LSM14A: variants seen among roughly 807,000 people sequenced by gnomAD.
The protein encoded by LSM14A is LSM14A mRNA processing body assembly factor, also known as protein LSM14 homolog A.
Under a neutral mutation model 52.4 loss-of-function variants are expected in LSM14A, and 14 were observed. That is an observed-to-expected ratio of 0.27 (90% CI 0.18 to 0.42). LSM14A has a LOEUF of 0.42. LSM14A is among the 10% of genes least tolerant of loss of function. LSM14A has a pLI of 1.00. For synonymous variants in LSM14A, 185 were observed against 200.3 expected (o/e 0.92, Z 0.64); for missense variants, 417 against 581.8 (o/e 0.72, Z 2.91).
Position 34,196,719 on chromosome 19 carries a change from G to A in LSM14A, c.371G>A (p.Ser124Asn). The change falls in exon 3 of 10, where the codon AGT becomes AAT. Residue 124 changes from serine to asparagine, a missense_variant. Transcript: ENST00000544216. ...AGGATGCCCACATACAGTCAGTTCAGTCCGAGTTCCTTAGTTGGGCAGCAG... is the reference window on the plus strand; with the variant it reads ...AGGATGCCCACATACAGTCAGTTCAATCCGAGTTCCTTAGTTGGGCAGCAG... ...FGRMPTYSQF[S>N]PSSLVGQQFG... is the part of the protein sequence containing the mutation. 6.2e-7 allele frequency: 1 copy of A among 1,613,182 alleles called. No homozygotes were observed. The highest frequency in any genetic ancestry group is 1.1e-5 in the South Asian group (1 of 90,836).
At position 34,229,048 on chromosome 19, in the gene LSM14A, A is replaced by G. The variant is rs1031878763; in HGVS notation, c.*1660A>G. The stretch of plus-strand genomic sequence containing the variant: ...CATTCAGAGCATCAGAGCAAGTACC[A>G]TGGCAATACATGTGTAGACTGTTGG... On this transcript the variant is annotated 3_prime_UTR_variant, in exon 10 of 10. Transcript: ENST00000544216. 6.6e-6 allele frequency: 1 copy of G among 152,238 alleles called. No individual in the cohort carries two copies. Among genetic ancestry groups the G allele is most frequent in the East Asian group, 1.9e-4 (1 of 5,204 alleles). 9.4% of individuals were successfully genotyped at this position (152,238 alleles called of 1,614,324 possible).
chr19:34,186,069 G>A (rs2145565052), intron 1 of LSM14A, among the ~76,000 whole-genome samples: 2 of 152,328 alleles, frequency 1.3e-5, no homozygotes, highest in East Asian at 3.9e-4. Context: ...TTTCTGCTGT[G>A]TGATTTATTC....
Position 34,221,622 on chromosome 19 carries a change from C to CGTGGTGGCAGAGGGCGTG in LSM14A, c.1266_1283dup (p.Arg423_Gly428dup). 1.2e-6 allele frequency: 2 copies of CGTGGTGGCAGAGGGCGTG among 1,614,010 alleles called. No individual in the cohort carries two copies. Among genetic ancestry groups the CGTGGTGGCAGAGGGCGTG allele is most frequent in the Non-Finnish European group, 1.7e-6 (2 of 1,180,012 alleles). Reference sequence around the variant, plus strand: ...CAGAGGCAGAGGAGGTCTTGGTTTCCGTGGTGGCAGAGGGCGTGGTGGTGG... The same window carrying CGTGGTGGCAGAGGGCGTG: ...CAGAGGCAGAGGAGGTCTTGGTTTCCGTGGTGGCAGAGGGCGTGGTGGTGGCAGAGGGCGTGGTGGTGG... On this transcript the variant is annotated inframe_insertion, in exon 9 of 10. Coordinates refer to ENST00000544216, the MANE Select transcript of LSM14A (RefSeq NM_015578.4).
At chr19:34,188,403 C>G (rs2070092731) in intron 1 of LSM14A, among the ~76,000 whole-genome samples, 1 of 152,196 alleles carries the variant, frequency 6.6e-6, no homozygotes, top group Admixed American at 6.5e-5. Context: ...TTGTCATTCT[C>G]TGTATTCTCT....
At chr19:34,203,152 T>A (rs930479214) in intron 3 of LSM14A, among the ~76,000 whole-genome samples, 39 of 147,960 alleles carry the variant, frequency 2.6e-4, no homozygotes, top group African/African-American at 9.5e-4. Flanking sequence ...ATAGAAACAG[T>A]GAAAGGTATA....
At chr19:34,173,437 C>T (rs563921058) in intron 1 of LSM14A, among the ~76,000 whole-genome samples, 12 of 152,142 alleles carry the variant, frequency 7.9e-5, no homozygotes, top group Non-Finnish European at 1.6e-4. Flanking sequence ...TTTCTGGAAA[C>T]GGGTTCAAGC....
At chr19:34,179,133 G>T (rs1350675417) in intron 1 of LSM14A, among the ~76,000 whole-genome samples, 1 of 152,220 alleles carries the variant, frequency 6.6e-6, no homozygotes, top group Non-Finnish European at 1.5e-5. Flanking sequence ...ACTGGGAAAA[G>T]AGACTTTATG....
intron 3 of LSM14A, among the ~76,000 whole-genome samples, chr19:34,202,172 G>A (rs1290882784): frequency 2.0e-5 from 2 of 98,256 alleles, no homozygotes; most frequent in South Asian, 6.7e-4. Context: ...TTTGGTTTTT[G>A]TTTTGTTTTG....
chr19:34,200,880 A>G (rs1344060863), intron 3 of LSM14A, among the ~76,000 whole-genome samples: 1 of 152,150 alleles, frequency 6.6e-6, no homozygotes, highest in Non-Finnish European at 1.5e-5. Context: ...GGCTCCTTTG[A>G]CTAAATTAAA....
At chr19:34,192,310 C>CTTTTTTTTTTTTTTTTTTTTTTTTTTTT (rs1568479681) in intron 1 of LSM14A, among the ~76,000 whole-genome samples, 3 of 51,656 alleles carry the variant, frequency 5.8e-5, no homozygotes, top group Admixed American at 2.2e-4. Context: ...AAATAACATT[C>CTTTTTTTTTTTTTTTTTTTTTTTTTTTT]TTTTTGTTGT....
At position 34,228,922 on chromosome 19, in the gene LSM14A, G is replaced by A. The variant is rs1290173708; in HGVS notation, c.*1534G>A. 3 of 152,552 alleles carry A rather than the reference G, an allele frequency of 2.0e-5. No homozygotes were observed. Among genetic ancestry groups the A allele is most frequent in the Admixed American group, 2.0e-4 (3 of 15,268 alleles). The allele number at this position is 152,552 out of a possible 1,614,324, so 9.4% of individuals were successfully genotyped here. A position where few individuals can be genotyped will look rare whatever the true frequency, so the allele number is the denominator to read the frequency against. ...CATTATGAAGATCCAGTACTTGGCA[G>A]CCATAGTTTAGACAATATTGTTCAG... On this transcript the variant is annotated 3_prime_UTR_variant, in exon 10 of 10. Transcript: ENST00000544216.
chr19:34,209,528 G>A (rs1339064054), intron 4 of LSM14A, among the ~76,000 whole-genome samples: 1 of 152,062 alleles, frequency 6.6e-6, no homozygotes, highest in Non-Finnish European at 1.5e-5. Context: ...TAAATCCTGA[G>A]ACTTATACAT....
chr19:34,181,466 A>G (rs1599660436), intron 1 of LSM14A, among the ~76,000 whole-genome samples: 1 of 152,236 alleles, frequency 6.6e-6, no homozygotes, highest in East Asian at 1.9e-4. Context: ...CAAAATTACC[A>G]AAGATTTCCA....
intron 6 of LSM14A, among the ~76,000 whole-genome samples, chr19:34,218,474 CA>C (rs1253299454): frequency 6.6e-6 from 1 of 152,170 alleles, no homozygotes; most frequent in Non-Finnish European, 1.5e-5. Context: ...GGCAGTTTGC[CA>C]AACCTCAGCA....
At chr19:34,196,518 T>A (rs1399896768) in intron 2 of LSM14A, 116 bp from the exon 3 acceptor site, 1 of 977,866 alleles carries the variant, frequency 1.0e-6, no homozygotes, top group Non-Finnish European at 1.4e-6. Context: ...GTAATTCATT[T>A]TATATCTAGT....
At chr19:34,203,142 A>G (rs975724576) in intron 3 of LSM14A, among the ~76,000 whole-genome samples, 3 of 152,230 alleles carry the variant, frequency 2.0e-5, no homozygotes, top group Non-Finnish European at 4.4e-5. Context: ...AAAAGGATTC[A>G]TAGAAACAGT....
intron 3 of LSM14A, among the ~76,000 whole-genome samples, chr19:34,201,320 T>C (rs2071269507): frequency 6.6e-6 from 1 of 152,124 alleles, no homozygotes; most frequent in Non-Finnish European, 1.5e-5. Flanking sequence ...GTGACAGATG[T>C]TTTTCAGAAA....
intron 8 of LSM14A, chr19:34,221,277 T>G: frequency 2.0e-6 from 1 of 506,444 alleles, no homozygotes; most frequent in South Asian, 3.2e-5. Flanking sequence ...GAGAATGAGT[T>G]TCACCATTTT....
intron 8 of LSM14A, among the ~76,000 whole-genome samples, chr19:34,220,836 T>A (rs2073010662): frequency 6.6e-6 from 1 of 152,178 alleles, no homozygotes; most frequent in Non-Finnish European, 1.5e-5. Flanking sequence ...ATCTCCTAGC[T>A]TCCCAAGACA....
Sources: allele counts gnomAD v4.1 joint callset (sites outside exome capture counted in the v4.1 genomes callset), GRCh38; gene constraint gnomAD v4.1.1; transcripts MANE v1.5; gene names NCBI Gene and HGNC (gene_info 2026-07-23, HGNC 2026-07-21).